CSMD1: variants seen among roughly 807,000 people sequenced by gnomAD.
The protein encoded by CSMD1 is CUB and sushi domain-containing protein 1.
CSMD1 carries 213 observed loss-of-function variants against 417.5 expected under a neutral mutation model. The observed-to-expected ratio is 0.51, with a 90% CI of 0.46 to 0.57. CSMD1 has a LOEUF of 0.57. CSMD1 is among the 20% of genes least tolerant of loss of function. CSMD1 has a pLI of 0.00. For synonymous variants in CSMD1, 2,862 were observed against 1,736.8 expected (o/e 1.65, Z -16.11); for missense variants, 6,923 against 4,529.7 (o/e 1.53, Z -15.17).
At chr8:3,950,228 G>C (rs1385650831) in intron 5 of CSMD1, among the ~76,000 whole-genome samples, 1 of 152,168 alleles carries the variant, frequency 6.6e-6, no homozygotes, top group South Asian at 2.1e-4. Context: ...TCATCATGCA[G>C]TGGAAGAATT....
At chr8:3,550,620 C>T (rs146150310) in intron 10 of CSMD1, among the ~76,000 whole-genome samples, 2 of 152,274 alleles carry the variant, frequency 1.3e-5, no homozygotes, top group East Asian at 3.9e-4. Flanking sequence ...TCAGTCTCCA[C>T]CCCTTTGCCT....
intron 3 of CSMD1, among the ~76,000 whole-genome samples, chr8:4,216,328 G>T (rs1044984269): frequency 1.3e-5 from 2 of 151,976 alleles, no homozygotes; most frequent in African/African-American, 4.8e-5. Context: ...GTAACTGCAG[G>T]GATGCTTTCA....
In CSMD1 at chr8:3,380,901, A is replaced by G. The variant is rs566085139; in HGVS notation, c.2782+6593T>C. Among the ~76,000 whole-genome samples the G allele has an allele frequency of 5.9e-5, 9 of 152,274 alleles. No individual in the cohort carries two copies. In the South Asian group the frequency reaches 1.7e-3, roughly 28 times the overall value. ...AACTTAAAGTATAATGAAAAAAAAA[A>G]AAGTTTTGGTTAGATAGTAAAATAT... On this transcript the variant is annotated intron_variant, in intron 18 of 69. Coordinates refer to ENST00000635120, the MANE Select transcript of CSMD1 (RefSeq NM_033225.6).
rs1250620729 is a variant in CSMD1, at chr8:4,654,258, G to C, written c.86-16700C>G. ...TCTCAGGAATTCAATTTGAACAACA[G>C]TTCAGGCAAATCTCAAATGAATATA... On this transcript the variant is annotated intron_variant, in intron 1 of 69. Transcript: ENST00000635120. Among the ~76,000 whole-genome samples, 5 of 152,162 alleles carry C rather than the reference G, an allele frequency of 3.3e-5. No homozygotes were observed. In the East Asian group the frequency reaches 7.7e-4, roughly 24 times the overall value.
chr8:3,422,216 G>A (rs909785285), intron 12 of CSMD1, among the ~76,000 whole-genome samples: 4 of 152,152 alleles, frequency 2.6e-5, no homozygotes, highest in African/African-American at 9.7e-5. Flanking sequence ...TGAAGGGGCT[G>A]CTGTTTCCTC....
intron 31 of CSMD1, among the ~76,000 whole-genome samples, chr8:3,205,194 C>T (rs1175457513): frequency 6.6e-6 from 1 of 152,124 alleles, no homozygotes; most frequent in East Asian, 1.9e-4. Flanking sequence ...AGAAATCCTC[C>T]GTTGCTCATA....
intron 2 of CSMD1, among the ~76,000 whole-genome samples, chr8:4,541,449 C>T (rs149993244): frequency 6.3e-4 from 96 of 152,284 alleles, no homozygotes; most frequent in African/African-American, 2.1e-3. Flanking sequence ...ATCAAGGTGT[C>T]CCACGTTATC....
intron 3 of CSMD1, among the ~76,000 whole-genome samples, chr8:4,216,681 T>C (rs1330294036): frequency 6.6e-6 from 1 of 152,142 alleles, no homozygotes; most frequent in Non-Finnish European, 1.5e-5. Context: ...AAGCTTCTCA[T>C]GTTTCATGTA....
chr8:4,795,276 T>C (rs1797915278), intron 1 of CSMD1, among the ~76,000 whole-genome samples: 1 of 109,684 alleles, frequency 9.1e-6, no homozygotes, highest in Non-Finnish European at 1.8e-5. Context: ...TTTTTTTTTT[T>C]TTTTTTTTTT....
chr8:3,364,326 T>A (rs905369164), intron 20 of CSMD1, among the ~76,000 whole-genome samples: 1 of 152,220 alleles, frequency 6.6e-6, no homozygotes, highest in South Asian at 2.1e-4. Context: ...AAAAAGACTT[T>A]CTGCTTGTGT....
chr8:3,669,526 T>C (rs565130598), intron 7 of CSMD1, among the ~76,000 whole-genome samples: 3 of 152,274 alleles, frequency 2.0e-5, no homozygotes, highest in African/African-American at 7.2e-5. Context: ...AGTTAATGAA[T>C]CTTGAATGGA....
intron 7 of CSMD1, among the ~76,000 whole-genome samples, chr8:3,683,143 A>G (rs1408885177): frequency 6.6e-6 from 1 of 152,140 alleles, no homozygotes; most frequent in Non-Finnish European, 1.5e-5. Context: ...ACATGTATAC[A>G]TATGTAACAA....
At chr8:3,873,710 A>C (rs891950709) in intron 5 of CSMD1, among the ~76,000 whole-genome samples, 11 of 152,334 alleles carry the variant, frequency 7.2e-5, no homozygotes, top group African/African-American at 2.6e-4. Context: ...GTTAAAAATA[A>C]ATAAATAAAT....
At chr8:3,714,759 A>G (rs1202851950) in intron 6 of CSMD1, among the ~76,000 whole-genome samples, 2 of 151,866 alleles carry the variant, frequency 1.3e-5, no homozygotes, top group African/African-American at 4.8e-5. Flanking sequence ...CAACAACACA[A>G]GAATTTTTTT....
intron 3 of CSMD1, among the ~76,000 whole-genome samples, chr8:4,264,121 T>G (rs939367049): frequency 6.6e-6 from 1 of 152,192 alleles, no homozygotes; most frequent in African/African-American, 2.4e-5. Flanking sequence ...GAGTGACATT[T>G]GTAGGTAAAG....
In CSMD1 at chr8:4,911,264, G is replaced by A. The variant is rs527496072; in HGVS notation, c.85+83068C>T. Among the ~76,000 whole-genome samples the A allele has an allele frequency of 2.4e-4, 36 of 152,262 alleles. No homozygotes were observed. The South Asian group carries it at 3.5e-3, about 15-fold the overall frequency. On this transcript the variant is annotated intron_variant, in intron 1 of 69. Coordinates refer to ENST00000635120, the MANE Select transcript of CSMD1 (RefSeq NM_033225.6). ...TTCAAATGACCTTTGTCCACCAGTCGTAATTTCTGCCTATACATACTGGAT... is the reference window on the plus strand; with the variant it reads ...TTCAAATGACCTTTGTCCACCAGTCATAATTTCTGCCTATACATACTGGAT...
intron 1 of CSMD1, among the ~76,000 whole-genome samples, chr8:4,750,628 G>C (rs956551541): frequency 2.0e-5 from 3 of 151,802 alleles, no homozygotes; most frequent in Non-Finnish European, 4.4e-5. Context: ...AGAATACCAA[G>C]GACATACACA....
intron 1 of CSMD1, among the ~76,000 whole-genome samples, chr8:4,737,847 G>A (rs560872217): frequency 3.9e-5 from 6 of 152,136 alleles, no homozygotes; most frequent in Admixed American, 2.6e-4. Flanking sequence ...GGGAGGAGGA[G>A]TCAAATATTG....
intron 10 of CSMD1, among the ~76,000 whole-genome samples, chr8:3,498,352 A>C (rs1470033301): frequency 6.6e-6 from 1 of 152,188 alleles, no homozygotes; most frequent in Non-Finnish European, 1.5e-5. Context: ...AATCAGGAGA[A>C]CTGTGATATC....
Sources: allele counts gnomAD v4.1 joint callset (sites outside exome capture counted in the v4.1 genomes callset), GRCh38; gene constraint gnomAD v4.1.1; transcripts MANE v1.5; gene names NCBI Gene and HGNC (gene_info 2026-07-23, HGNC 2026-07-21).